The following SS18 variants were observed in gnomAD, a reference collection of about 807,000 sequenced individuals.
SS18 encodes the protein SS18 subunit of BAF chromatin remodeling complex, also known as protein SSXT.
Under a neutral mutation model 72.5 loss-of-function variants are expected in SS18, and 28 were observed. The observed-to-expected ratio is 0.39, with a 90% confidence interval of 0.29 to 0.53. The LOEUF is 0.53. Ranked by LOEUF, SS18 falls within the 20% of genes least tolerant of loss-of-function variation. The pLI, the probability that SS18 is intolerant of heterozygous loss-of-function variation, is 0.76. For synonymous variants in SS18, 172 were observed against 164.2 expected, an observed-to-expected ratio of 1.05 and a Z score of -0.37; for missense variants, 518 against 535.3, an observed-to-expected ratio of 0.97 and a Z score of 0.32.
intron 6 of SS18, 81 bp from the exon 7 acceptor site, chr18:26,038,740 A>G: frequency 7.8e-7 from 1 of 1,288,328 alleles, no homozygotes; most frequent in Non-Finnish European, 1.1e-6. Flanking sequence ...TGATATTATG[A>G]AAGATTATTT....
intron 2 of SS18, chr18:26,082,291 T>G (rs1052341196): frequency 2.6e-6 from 2 of 759,944 alleles, no homozygotes; most frequent in African/African-American, 1.9e-5. Flanking sequence ...TAAAGTAAAA[T>G]GGACACTCTA....
In SS18 at chr18:26,028,880, T is replaced by C. The variant is rs899676545; in HGVS notation, c.1230+3519A>G. Among the ~76,000 whole-genome samples the C allele has an allele frequency of 2.0e-5, 3 of 152,314 alleles. No homozygotes were observed. In the South Asian group the frequency reaches 6.2e-4, roughly 32 times the overall value. On this transcript the variant is annotated intron_variant, in intron 10 of 10. Coordinates refer to ENST00000415083, the MANE Select transcript of SS18 (RefSeq NM_001007559.3). ...ATACGTGTCAAAAAAGATCAAACTG[T>C]ACACTTTTATTACATGCAGTTTAAT...
At chr18:26,034,141 G>C (rs527902830) in intron 9 of SS18, among the ~76,000 whole-genome samples, 95 of 152,248 alleles carry the variant, frequency 6.2e-4, no homozygotes, top group African/African-American at 2.1e-3. Flanking sequence ...GGGGGCAAGA[G>C]AATTTCAGTC....
At chr18:26,057,973 C>CA (rs2054053621) in intron 3 of SS18, among the ~76,000 whole-genome samples, 1 of 151,964 alleles carries the variant, frequency 6.6e-6, no homozygotes, top group African/African-American at 2.4e-5. Flanking sequence ...ACATTCTATA[C>CA]AAAAAATTCT....
At chr18:26,029,835 A>G (rs920933923) in intron 10 of SS18, among the ~76,000 whole-genome samples, 1 of 152,200 alleles carries the variant, frequency 6.6e-6, no homozygotes, top group Admixed American at 6.5e-5. Flanking sequence ...AAAGAGATCA[A>G]TAGGTCTTTG....
intron 3 of SS18, among the ~76,000 whole-genome samples, chr18:26,059,575 C>T (rs987077056): frequency 1.4e-4 from 21 of 152,082 alleles, no homozygotes; most frequent in African/African-American, 3.6e-4. Flanking sequence ...GTTAGAGGAG[C>T]CTTCATAAAT....
chr18:26,042,985 T>G (rs1372235422), intron 5 of SS18, among the ~76,000 whole-genome samples: 1 of 152,186 alleles, frequency 6.6e-6, no homozygotes, highest in South Asian at 2.1e-4. Context: ...CAAATTATTT[T>G]AAATAATATT....
intron 4 of SS18, among the ~76,000 whole-genome samples, chr18:26,054,391 T>C (rs2053978249): frequency 6.6e-6 from 1 of 152,192 alleles, no homozygotes. Context: ...GCTAGAGATA[T>C]ACAAATTTTT....
At chr18:26,049,662 T>C (rs1339518752) in intron 5 of SS18, among the ~76,000 whole-genome samples, 2 of 152,244 alleles carry the variant, frequency 1.3e-5, no homozygotes, top group South Asian at 2.1e-4. Flanking sequence ...AGGCACAAGC[T>C]ACCACGCCCA....
At chr18:26,077,591 C>T (rs1415829579) in intron 3 of SS18, among the ~76,000 whole-genome samples, 1 of 152,078 alleles carries the variant, frequency 6.6e-6, no homozygotes, top group East Asian at 1.9e-4. Flanking sequence ...AATCGCTGCT[C>T]GGCCTTTTGG....
chr18:26,071,809 C>T (rs1040766468), intron 3 of SS18, among the ~76,000 whole-genome samples: 2 of 151,198 alleles, frequency 1.3e-5, no homozygotes, highest in Non-Finnish European at 2.9e-5. Context: ...GCCTGGGTGA[C>T]GGAGTGAAAC....
intron 5 of SS18, among the ~76,000 whole-genome samples, chr18:26,049,187 T>C (rs2053879658): frequency 6.6e-6 from 1 of 152,224 alleles, no homozygotes; most frequent in Admixed American, 6.5e-5. Context: ...TAATGCCTGA[T>C]AATGAAAAAT....
At chr18:26,043,452 C>T (rs2053764757) in intron 5 of SS18, among the ~76,000 whole-genome samples, 1 of 152,156 alleles carries the variant, frequency 6.6e-6, no homozygotes, top group Non-Finnish European at 1.5e-5. Flanking sequence ...TCATTTACTG[C>T]TTACATTTTA....
chr18:26,047,798 A>G (rs1282778370), intron 5 of SS18, among the ~76,000 whole-genome samples: 3 of 144,844 alleles, frequency 2.1e-5, no homozygotes, highest in Non-Finnish European at 4.4e-5. Context: ...AACCGAGATC[A>G]TGCCACTGCA....
At chr18:26,064,348 C>T (rs1171209488) in intron 3 of SS18, among the ~76,000 whole-genome samples, 3 of 152,054 alleles carry the variant, frequency 2.0e-5, no homozygotes, top group African/African-American at 7.2e-5. Flanking sequence ...CAGGTCAAAA[C>T]ATCTCTCATG....
chr18:26,020,073 TA>T (rs2053321532), intron 10 of SS18, among the ~76,000 whole-genome samples: 1 of 152,152 alleles, frequency 6.6e-6, no homozygotes, highest in African/African-American at 2.4e-5. Context: ...ATAAACATAA[TA>T]AAAGGTTTAA....
intron 4 of SS18, 134 bp downstream of exon 4, chr18:26,057,455 A>C: frequency 1.9e-6 from 2 of 1,037,152 alleles, no homozygotes; most frequent in Non-Finnish European, 2.8e-6. Context: ...TGTAGCTAAC[A>C]AACTCTAAGA....
At chr18:26,045,961 T>A (rs1460664276) in intron 5 of SS18, among the ~76,000 whole-genome samples, 2 of 151,918 alleles carry the variant, frequency 1.3e-5, no homozygotes, top group Non-Finnish European at 2.9e-5. Context: ...CCTAGGTGGG[T>A]GGATCACTTG....
intron 9 of SS18, 39 bp from the exon 10 acceptor site, chr18:26,032,571 G>GT (rs777479507): frequency 3.1e-6 from 5 of 1,607,904 alleles, no homozygotes; most frequent in Non-Finnish European, 3.4e-6. Flanking sequence ...ACATAAAAAG[G>GT]TAAGTCCCTA....
Sources: allele counts gnomAD v4.1 joint callset (sites outside exome capture counted in the v4.1 genomes callset), GRCh38; gene constraint gnomAD v4.1.1; transcripts MANE v1.5; gene names NCBI Gene and HGNC (gene_info 2026-07-23, HGNC 2026-07-21).